Variants in FARP1 observed in about 807,000 individuals in gnomAD.
FARP1 encodes FERM, ARHGEF and pleckstrin domain-containing protein 1.
Under a neutral mutation model 128.8 loss-of-function variants are expected in FARP1, and 52 were observed. The observed-to-expected ratio is 0.40, with a 90% CI of 0.32 to 0.51. The LOEUF (loss-of-function observed/expected upper bound fraction) is 0.51. Among genes scored for constraint, FARP1 ranks in the 20% least tolerant of loss-of-function variants. The pLI is 0.45. For missense variants in FARP1, 1,333 were observed against 1,367.9 expected (o/e 0.97, Z 0.40); for synonymous variants, 580 against 551.8 (o/e 1.05, Z -0.72).
Position 98,442,831 on chromosome 13 carries a change from G to A in FARP1, c.2796+1995G>A, listed in dbSNP as rs556571063. 8.5e-5 allele frequency among the ~76,000 whole-genome samples: 13 copies of A among 152,364 alleles called. No individual in the cohort carries two copies. In the South Asian group the frequency reaches 2.1e-3, roughly 24 times the overall value. ...GTGGCGCCGCCACTGGGGAGGAACC[G>A]TCTTGGCCTTGCTTCGTCCTGACCT... On this transcript the variant is annotated intron_variant, in intron 24 of 26. Transcript: ENST00000319562.
chr13:98,311,266 C>G (rs1353587542), intron 2 of FARP1, among the ~76,000 whole-genome samples: 1 of 152,190 alleles, frequency 6.6e-6, no homozygotes, highest in Non-Finnish European at 1.5e-5. Context: ...CCAAAATGAT[C>G]AGTACTATGT....
chr13:98,286,277 G>A (rs2139645696), intron 2 of FARP1, among the ~76,000 whole-genome samples: 1 of 152,164 alleles, frequency 6.6e-6, no homozygotes, highest in Middle Eastern at 3.4e-3. Context: ...ATTTCATAGA[G>A]CCCTCCTGTG....
At chr13:98,416,339 G>A (rs1457691186) in intron 16 of FARP1, among the ~76,000 whole-genome samples, 1 of 152,134 alleles carries the variant, frequency 6.6e-6, no homozygotes, top group South Asian at 2.1e-4. Flanking sequence ...CCTTCCCTTC[G>A]CAGTCCTGCA....
intron 1 of FARP1, among the ~76,000 whole-genome samples, chr13:98,212,624 T>C (rs1026432883): frequency 9.3e-6 from 1 of 107,084 alleles, no homozygotes; most frequent in Admixed American, 1.1e-4. Flanking sequence ...GTTGGGGGGG[T>C]GGGTGGCTGG....
At chr13:98,177,203 C>T (rs753633234) in intron 1 of FARP1, 82 of 1,574,068 alleles carry the variant, frequency 5.2e-5, no homozygotes, top group Non-Finnish European at 6.8e-5. Context: ...TCTGCTTGGT[C>T]GGCCGTCCTT....
chr13:98,322,985 C>G (rs1887066426), intron 2 of FARP1, among the ~76,000 whole-genome samples: 1 of 152,104 alleles, frequency 6.6e-6, no homozygotes, highest in Admixed American at 6.5e-5. Flanking sequence ...TGTGAATAAG[C>G]TCATGTTTGA....
intron 2 of FARP1, among the ~76,000 whole-genome samples, chr13:98,303,388 A>G (rs1353058734): frequency 6.6e-6 from 1 of 152,252 alleles, no homozygotes; most frequent in Non-Finnish European, 1.5e-5. Context: ...ATTTTATAGC[A>G]TGTACATCTA....
chr13:98,192,595 T>G (rs1328058542), intron 1 of FARP1, among the ~76,000 whole-genome samples: 1 of 152,100 alleles, frequency 6.6e-6, no homozygotes, highest in Non-Finnish European at 1.5e-5. Flanking sequence ...TTCACCATGT[T>G]GGCCAGGCTG....
At chr13:98,199,925 AT>A (rs952590775) in intron 1 of FARP1, among the ~76,000 whole-genome samples, 1 of 151,878 alleles carries the variant, frequency 6.6e-6, no homozygotes, top group Non-Finnish European at 1.5e-5. Flanking sequence ...ATGATTGGAG[AT>A]TTTTTTCTGG....
At chr13:98,153,518 TTTA>T (rs1304142437) in intron 1 of FARP1, among the ~76,000 whole-genome samples, 7,947 of 95,414 alleles carry the variant, frequency 0.083, 310 homozygotes, top group Middle Eastern at 0.13. Flanking sequence ...TAAATATATA[TTTA>T]TATATATATT....
chr13:98,442,878 T>A (rs55911837), intron 24 of FARP1, among the ~76,000 whole-genome samples: 130 of 152,360 alleles, frequency 8.5e-4, no homozygotes, highest in Non-Finnish European at 1.4e-3. Flanking sequence ...GAATTACGAC[T>A]CTCAAGGCTG....
chr13:98,201,943 C>CT (rs1199844741), intron 1 of FARP1, among the ~76,000 whole-genome samples: 2 of 152,224 alleles, frequency 1.3e-5, no homozygotes, highest in Non-Finnish European at 2.9e-5. Flanking sequence ...AGTTCCTCCT[C>CT]TGTTTGAAGT....
At chr13:98,314,587 T>C (rs570674185) in intron 2 of FARP1, among the ~76,000 whole-genome samples, 2 of 152,300 alleles carry the variant, frequency 1.3e-5, no homozygotes, top group South Asian at 2.1e-4. Flanking sequence ...CTATGTCATC[T>C]TGTTATTCAT....
chr13:98,218,762 G>A (rs549624081), intron 2 of FARP1, among the ~76,000 whole-genome samples: 2 of 152,302 alleles, frequency 1.3e-5, no homozygotes, highest in East Asian at 1.9e-4. Context: ...ACTCCATGCT[G>A]CACTCCAGGC....
At chr13:98,295,956 A>G (rs936579465) in intron 2 of FARP1, among the ~76,000 whole-genome samples, 5 of 152,184 alleles carry the variant, frequency 3.3e-5, no homozygotes, top group Non-Finnish European at 7.3e-5. Flanking sequence ...CTGAACTTGG[A>G]TGACCTTAGG....
At chr13:98,433,169 G>A (rs1185941070) in intron 18 of FARP1, 1 of 152,232 alleles carries the variant, frequency 6.6e-6, no homozygotes, top group Non-Finnish European at 1.5e-5. Context: ...ACATCCCACT[G>A]CGCCCCATGG....
intron 5 of FARP1, among the ~76,000 whole-genome samples, chr13:98,374,253 T>A (rs1300074080): frequency 6.6e-6 from 1 of 152,040 alleles, no homozygotes; most frequent in Non-Finnish European, 1.5e-5. Flanking sequence ...GGGAGACCTG[T>A]CTCTACAAAA....
chr13:98,438,672 C>G, intron 19 of FARP1, 132 bp from the exon 20 acceptor site: 1 of 685,084 alleles, frequency 1.5e-6, no homozygotes, highest in South Asian at 1.8e-5. Flanking sequence ...GCTCGCAGTC[C>G]GTTCTTGGGG....
chr13:98,210,474 C>G (rs1880612561), intron 1 of FARP1, among the ~76,000 whole-genome samples: 1 of 152,112 alleles, frequency 6.6e-6, no homozygotes, highest in Non-Finnish European at 1.5e-5. Flanking sequence ...ACACTCACAC[C>G]TCCCCCTCCT....
Sources: allele counts gnomAD v4.1 joint callset (sites outside exome capture counted in the v4.1 genomes callset), GRCh38; gene constraint gnomAD v4.1.1; transcripts MANE v1.5; gene names NCBI Gene and HGNC (gene_info 2026-07-23, HGNC 2026-07-21).